Variants in GPLD1 observed in about 807,000 individuals in gnomAD.
The protein encoded by GPLD1 is glycosylphosphatidylinositol specific phospholipase D1, also known as phosphatidylinositol-glycan-specific phospholipase D.
In GPLD1, 84 loss-of-function variants were observed where a neutral mutation model predicts 112.6. That is an observed-to-expected ratio of 0.75 (90% CI 0.63 to 0.89). The LOEUF (loss-of-function observed/expected upper bound fraction) is 0.89, where lower values mean the gene tolerates loss of function less well. Ranked by LOEUF, GPLD1 falls within the 40% of genes least tolerant of loss-of-function variation. GPLD1 has a pLI of 0.00. For synonymous variants in GPLD1, 386 were observed against 403.8 expected (o/e 0.96, Z 0.53); for missense variants, 1,044 against 1,051.5 (o/e 0.99, Z 0.10).
At chr6:24,494,955 G>A (rs1406221832) in intron 1 of GPLD1, 2 of 1,282,970 alleles carry the variant, frequency 1.6e-6, no homozygotes, top group African/African-American at 3.1e-5. Flanking sequence ...CCGTGCGCGC[G>A]CGCCCGCTTG....
chr6:24,469,777 A>AT (rs1763737349), intron 7 of GPLD1, among the ~76,000 whole-genome samples: 1 of 130,442 alleles, frequency 7.7e-6, no homozygotes, highest in Non-Finnish European at 1.8e-5. Context: ...TTAAAGTATA[A>AT]TAAAAAAAAA....
rs181894108 is a variant in GPLD1 at position 24,471,292 on chromosome 6, C to T, written c.545+1290G>A. 1.2e-3 allele frequency among the ~76,000 whole-genome samples: 179 copies of T among 152,164 alleles called. 2 individuals carry two copies. The highest frequency in any genetic ancestry group is 8.4e-3 in the Admixed American group (128 of 15,284). ...GGCGGATCACTTGAGCCCAGGAGTT[C>T]GAGACCAGCCTGGGCAACATGGCAA... On this transcript the variant is annotated intron_variant, in intron 7 of 24. Transcript: ENST00000230036.
intron 24 of GPLD1, among the ~76,000 whole-genome samples, chr6:24,431,163 C>T (rs1416511600): frequency 2.0e-5 from 3 of 152,120 alleles, no homozygotes; most frequent in Admixed American, 2.0e-4. Context: ...TTAGACCTGC[C>T]TGTAAATGGG....
rs567625645 is a variant in GPLD1, at chr6:24,436,838, T to C, written c.2198-102A>G. 99 of 1,153,780 alleles carry C rather than the reference T, an allele frequency of 8.6e-5. No homozygotes were observed. In the African/African-American group the frequency reaches 1.1e-3, roughly 13 times the overall value. 71.5% of individuals were successfully genotyped at this position (1,153,780 alleles called of 1,614,324 possible). Reference sequence around the variant, plus strand: ...CTAACCCAACCTCTTACAAATAATATTAGTATCTCCTTTAGTCGGCTGTGA... The same window carrying C: ...CTAACCCAACCTCTTACAAATAATACTAGTATCTCCTTTAGTCGGCTGTGA... On this transcript the variant is annotated intron_variant, in intron 21 of 24. Transcript: ENST00000230036.
At chr6:24,462,139 C>T (rs3846833) in intron 11 of GPLD1, among the ~76,000 whole-genome samples, 33,288 of 151,930 alleles carry the variant, frequency 0.22, 3,907 homozygotes, top group Non-Finnish European at 0.26. Context: ...TACATTTCTT[C>T]TTTCTTTTTT....
exon 1 of GPLD1, chr6:24,495,115 G>C (rs1764664529): frequency 7.5e-7 from 1 of 1,331,284 alleles, no homozygotes; most frequent in Non-Finnish European, 9.5e-7. Flanking sequence ...CCTGCGCCCG[G>C]CCCGGCCCAG....
rs1253517012 is a variant in GPLD1 at position 24,472,572 on chromosome 6, T to C, written c.545+10A>G. 2.6e-6 allele frequency: 4 copies of C among 1,534,596 alleles called. No homozygotes were observed. Among genetic ancestry groups the C allele is most frequent in the Middle Eastern group, 1.7e-4 (1 of 5,902 alleles). Reference sequence around the variant, plus strand: ...TAGATACCACATATTTAGATGTACATTGCTCTTACCAGCGTCGTGCAAGGT... The same window carrying C: ...TAGATACCACATATTTAGATGTACACTGCTCTTACCAGCGTCGTGCAAGGT... On this transcript the variant is annotated intron_variant, in intron 7 of 24. Transcript: ENST00000230036.
chr6:24,480,642 T>C (rs1422435767), intron 2 of GPLD1, among the ~76,000 whole-genome samples: 2 of 139,772 alleles, frequency 1.4e-5, no homozygotes, highest in Admixed American at 7.0e-5. Context: ...TGACGTCCTT[T>C]GTGTTTTGGG....
At chr6:24,490,473 G>T (rs1764525712), upstream of GPLD1, among the ~76,000 whole-genome samples, 1 of 152,158 alleles carries the variant, frequency 6.6e-6, no homozygotes, top group South Asian at 2.1e-4. Context: ...TGATTTGGCT[G>T]GGCGTGGCGG....
exon 1 of GPLD1, chr6:24,495,023 C>A: frequency 7.5e-7 from 1 of 1,341,428 alleles, no homozygotes; most frequent in Non-Finnish European, 9.5e-7. Flanking sequence ...GGCTGCGGAG[C>A]TGTGGGGCCC....
intron 20 of GPLD1, among the ~76,000 whole-genome samples, chr6:24,441,132 AT>A (rs1762733078): frequency 1.6e-5 from 2 of 125,574 alleles, no homozygotes; most frequent in Non-Finnish European, 3.5e-5. Flanking sequence ...GTGAAACTCC[AT>A]CTCTACTAAA....
At position 24,445,851 on chromosome 6, in the gene GPLD1, G is replaced by A; in HGVS notation, c.1821-20C>T. 6.5e-7 allele frequency: 1 copy of A among 1,547,720 alleles called. No individual in the cohort carries two copies. The highest frequency in any genetic ancestry group is 8.9e-7 in the Non-Finnish European group (1 of 1,119,774). On this transcript the variant is annotated intron_variant, in intron 18 of 24. Transcript: ENST00000230036. ...CCCAGCCTAGAATGAAGCACACTGGGCTTAGCTGCCAGGGCACAAGACTGA... is the reference window on the plus strand; with the variant it reads ...CCCAGCCTAGAATGAAGCACACTGGACTTAGCTGCCAGGGCACAAGACTGA...
chr6:24,449,719 C>T (rs1267431726), intron 15 of GPLD1, 70 bp downstream of exon 15: 25 of 990,308 alleles, frequency 2.5e-5, no homozygotes, highest in East Asian at 1.2e-4. Flanking sequence ...CTCATCCCAG[C>T]GTTGGCCTCC....
At chr6:24,435,840 A>AAAAAAAAAAAAAAAAAAAAAAAAAAAT (rs1762561279) in intron 22 of GPLD1, 1 of 149,622 alleles carries the variant, frequency 6.7e-6, no homozygotes, top group Non-Finnish European at 1.5e-5. Context: ...AAAAAAAAAA[A>AAAAAAAAAAAAAAAAAAAAAAAAAAAT]AAAAAAAGTT....
At chr6:24,463,120 A>C (rs1048448378) in intron 10 of GPLD1, among the ~76,000 whole-genome samples, 2 of 152,214 alleles carry the variant, frequency 1.3e-5, no homozygotes, top group African/African-American at 4.8e-5. Context: ...CTGGTTACCA[A>C]TTATGTCACC....
In GPLD1 at chr6:24,466,699, T is replaced by A; in HGVS notation, c.802A>T (p.Met268Leu). 6.2e-7 allele frequency: 1 copy of A among 1,612,482 alleles called. No individual in the cohort carries two copies. The highest frequency in any genetic ancestry group is 1.1e-5 in the South Asian group (1 of 90,986). The change falls in exon 10 of 25, where the codon ATG (methionine) becomes TTG (leucine). Residue 268 changes from methionine to leucine, a missense_variant. By Grantham distance (15) the Met-to-Leu change is conservative. Coordinates refer to ENST00000230036, the MANE Select transcript of GPLD1 (RefSeq NM_001503.4). ...STNIYHLTSFMLENGTSDCNL... is the reference protein window; with the variant it reads ...STNIYHLTSFLLENGTSDCNL... ...ATTCACCTGGTCCCATTCTCCAACATGAAGCTTGTTAGATGGTAAATATTA... is the reference window on the plus strand; with the variant it reads ...ATTCACCTGGTCCCATTCTCCAACAAGAAGCTTGTTAGATGGTAAATATTA...
intron 12 of GPLD1, 69 bp downstream of exon 12, chr6:24,460,210 G>C: frequency 6.5e-7 from 1 of 1,549,908 alleles, no homozygotes; most frequent in Non-Finnish European, 8.9e-7. Flanking sequence ...AATACCCAGG[G>C]ACTCAGCGAA....
chr6:24,464,146 T>G (rs1340928951), intron 10 of GPLD1, among the ~76,000 whole-genome samples: 1 of 152,224 alleles, frequency 6.6e-6, no homozygotes, highest in Non-Finnish European at 1.5e-5. Context: ...CAAACTTTGC[T>G]TCCTTCTAAT....
chr6:24,429,409 C>T (rs1762333577), intron 24 of GPLD1, among the ~76,000 whole-genome samples: 1 of 152,152 alleles, frequency 6.6e-6, no homozygotes, highest in Non-Finnish European at 1.5e-5. Flanking sequence ...ATGTGGAAAA[C>T]ATATCTTGAA....
Sources: allele counts gnomAD v4.1 joint callset (sites outside exome capture counted in the v4.1 genomes callset), GRCh38; gene constraint gnomAD v4.1.1; transcripts MANE v1.5; gene names NCBI Gene and HGNC (gene_info 2026-07-23, HGNC 2026-07-21).